Variants in INIP observed in about 807,000 individuals in gnomAD.
The protein encoded by INIP is INTS3 and NABP interacting protein.
Under a neutral mutation model 14.0 loss-of-function variants are expected in INIP, and 9 were observed. The ratio of observed to expected loss-of-function variants is 0.64; its 90% CI spans 0.39 to 1.12. INIP has a LOEUF of 1.12. Ranked by LOEUF, INIP falls within the 50% of genes most tolerant of loss-of-function variation. The probability of loss-of-function intolerance (pLI) is 0.01; values close to 1 mark genes in which losing one functional copy is unlikely to be tolerated. For synonymous variants in INIP, 37 were observed against 41.5 expected (o/e 0.89, Z 0.41); for missense variants, 78 against 122.7 (o/e 0.64, Z 1.72).
intron 2 of INIP, among the ~76,000 whole-genome samples, chr9:112,697,959 G>A (rs786978): frequency 0.16 from 24,852 of 152,088 alleles, 2,786 homozygotes; most frequent in African/African-American, 0.32. Context: ...TTTGCTTAGG[G>A]CAGTTTGCTT....
At chr9:112,690,411 TG>T (rs138137724) in intron 3 of INIP, among the ~76,000 whole-genome samples, 2,722 of 152,186 alleles carry the variant, frequency 0.018, 92 homozygotes, top group African/African-American at 0.06. Context: ...CGCTTAAGCT[TG>T]GGAGGTCTGG....
intron 4 of INIP, among the ~76,000 whole-genome samples, chr9:112,689,111 G>A (rs1170565682): frequency 2.0e-5 from 3 of 151,508 alleles, no homozygotes; most frequent in Non-Finnish European, 4.4e-5. Flanking sequence ...CTGCACAACA[G>A]TTGTGCTGAG....
chr9:112,684,453 T>A lies in INIP; in HGVS notation c.*3085A>T, dbSNP rs1837586497. The A allele has an allele frequency of 6.6e-6, 1 of 151,920 alleles. No homozygotes were observed. The highest frequency in any genetic ancestry group is 1.5e-5 in the Non-Finnish European group (1 of 68,028). The allele number at this position is 151,920 out of a possible 1,614,324, so 9.4% of individuals were successfully genotyped here. ...CTGTAGTCTCAGCTACTTGGGAGGC[T>A]AAGGGTTGAGGATTGCTTGAGCCCA... On this transcript the variant is annotated 3_prime_UTR_variant, in exon 5 of 5. Coordinates refer to ENST00000374242, the MANE Select transcript of INIP (RefSeq NM_021218.3).
intron 2 of INIP, among the ~76,000 whole-genome samples, chr9:112,694,837 C>G (rs115668519): frequency 0.015 from 2,245 of 152,292 alleles, 52 homozygotes; most frequent in African/African-American, 0.051. Context: ...GCGTAACTGA[C>G]AGGATACAAA....
chr9:112,689,605 C>G lies in INIP; in HGVS notation c.141G>C (p.Ser47=). Residue 47 remains serine, a synonymous_variant, in exon 4 of 5, where the codon TCG becomes TCC. Transcript: ENST00000374242. The part of the protein sequence containing the change: ...TNHPGASIAL[S]RPSLNKDFRD... ...GGAAGTCCTTATTAAGAGAGGGTCT[C>G]GAGAGTGCAATGCTAAAATGGGAAT... 6.2e-7 allele frequency: 1 copy of G among 1,613,924 alleles called. No homozygotes were observed. Among genetic ancestry groups the G allele is most frequent in the Non-Finnish European group, 8.5e-7 (1 of 1,179,848 alleles).
chr9:112,709,010 C>G (rs1010388724), intron 2 of INIP, among the ~76,000 whole-genome samples: 1 of 151,966 alleles, frequency 6.6e-6, no homozygotes, highest in Non-Finnish European at 1.5e-5. Flanking sequence ...AAATACGTAA[C>G]AAAGAAAAGG....
At chr9:112,714,082 A>G (rs1838731954) in intron 2 of INIP, among the ~76,000 whole-genome samples, 1 of 152,236 alleles carries the variant, frequency 6.6e-6, no homozygotes, top group African/African-American at 2.4e-5. Flanking sequence ...AAGTTTACAA[A>G]CAGAAGAATG....
chr9:112,684,515 C>G lies in INIP; in HGVS notation c.*3023G>C, dbSNP rs1015079579. On this transcript the variant is annotated 3_prime_UTR_variant, in exon 5 of 5. Coordinates refer to ENST00000374242, the MANE Select transcript of INIP (RefSeq NM_021218.3). Reference sequence around the variant, plus strand: ...AGTCTTGCAGTGAGCTATGATTATACCACTGCACTCCAGCCTGGATGACAG... The same window carrying G: ...AGTCTTGCAGTGAGCTATGATTATAGCACTGCACTCCAGCCTGGATGACAG... 6.6e-6 allele frequency: 1 copy of G among 152,154 alleles called. No individual in the cohort carries two copies. Among genetic ancestry groups the G allele is most frequent in the Non-Finnish European group, 1.5e-5 (1 of 68,054 alleles). 9.4% of individuals were successfully genotyped at this position (152,154 alleles called of 1,614,324 possible).
chr9:112,686,661 T>G lies in INIP; in HGVS notation c.*877A>C, dbSNP rs1243300710. 6.6e-6 allele frequency: 1 copy of G among 152,276 alleles called. No individual in the cohort carries two copies. The highest frequency in any genetic ancestry group is 1.5e-5 in the Non-Finnish European group (1 of 68,084). The allele number at this position is 152,276 out of a possible 1,614,324, so 9.4% of individuals were successfully genotyped here. ...ACAGGCGTGTGCCACCACACATGGC[T>G]AATTTTTTATACTTTTAGTAGAGAC... On this transcript the variant is annotated 3_prime_UTR_variant, in exon 5 of 5. Transcript: ENST00000374242.
In INIP at chr9:112,713,765, CG is replaced by C. The variant is rs529134650; in HGVS notation, c.25+2695del. Among the ~76,000 whole-genome samples the C allele has an allele frequency of 2.0e-5, 3 of 152,064 alleles. No individual in the cohort carries two copies. The East Asian group carries it at 5.8e-4, about 29-fold the overall frequency. Reference sequence around the variant, plus strand: ...CAGCACTTTGGGAGGCCGAGGCAGGCGGATCACCTGAGGTCAGGAGTTCGAG... The same window carrying C: ...CAGCACTTTGGGAGGCCGAGGCAGGCGATCACCTGAGGTCAGGAGTTCGAG... On this transcript the variant is annotated intron_variant, in intron 2 of 4. Transcript: ENST00000374242.
intron 2 of INIP, among the ~76,000 whole-genome samples, chr9:112,703,486 A>T (rs1452065704): frequency 6.6e-6 from 1 of 152,208 alleles, no homozygotes; most frequent in African/African-American, 2.4e-5. Context: ...TCGGAGGCTG[A>T]AGTGGGAGGA....
intron 2 of INIP, among the ~76,000 whole-genome samples, chr9:112,705,110 CAAAAAAA>C (rs1194911436): frequency 1.1e-4 from 5 of 46,020 alleles, no homozygotes; most frequent in South Asian, 8.4e-4. Flanking sequence ...GACCCTGTCT[CAAAAAAA>C]AAAAAAAAAA....
intron 2 of INIP, among the ~76,000 whole-genome samples, chr9:112,706,313 A>C (rs1231453732): frequency 1.3e-5 from 2 of 152,164 alleles, no homozygotes; most frequent in Non-Finnish European, 2.9e-5. Flanking sequence ...AAAAACTAAA[A>C]ATAGAGCTCA....
At position 112,686,312 on chromosome 9, in the gene INIP, C is replaced by T. The variant is rs1396030785; in HGVS notation, c.*1226G>A. The T allele has an allele frequency of 1.3e-5, 2 of 151,930 alleles. No homozygotes were observed. The highest frequency in any genetic ancestry group is 1.3e-4 in the Admixed American group (2 of 15,252). The allele number at this position is 151,930 out of a possible 1,614,324, so 9.4% of individuals were successfully genotyped here. ...TCTGTACAAGATATTTCATAGAATTCTCTATCTCATGGTTTTCAGACTTTA... is the reference window on the plus strand; with the variant it reads ...TCTGTACAAGATATTTCATAGAATTTTCTATCTCATGGTTTTCAGACTTTA... On this transcript the variant is annotated 3_prime_UTR_variant, in exon 5 of 5. Transcript: ENST00000374242.
In INIP at chr9:112,712,801, G is replaced by C. The variant is rs113747661; in HGVS notation, c.25+3660C>G. Among the ~76,000 whole-genome samples the C allele has an allele frequency of 5.6e-3, 852 of 152,270 alleles. 8 individuals carry two copies. The highest frequency in any genetic ancestry group is 0.019 in the African/African-American group (804 of 41,560). ...AAAAAATATTGAGGAAAAATAAGCA[G>C]AGCCTTGGAGTATTTGAATAATGGA... On this transcript the variant is annotated intron_variant, in intron 2 of 4. Transcript: ENST00000374242.
At position 112,685,950 on chromosome 9, in the gene INIP, C is replaced by A. The variant is rs1837650348; in HGVS notation, c.*1588G>T. 6.6e-6 allele frequency: 1 copy of A among 152,138 alleles called. No individual in the cohort carries two copies. The highest frequency in any genetic ancestry group is 6.6e-5 in the Admixed American group (1 of 15,266). The allele number at this position is 152,138 out of a possible 1,614,324, so 9.4% of individuals were successfully genotyped here. On this transcript the variant is annotated 3_prime_UTR_variant, in exon 5 of 5. Coordinates refer to ENST00000374242, the MANE Select transcript of INIP (RefSeq NM_021218.3). The stretch of plus-strand genomic sequence containing the variant: ...ATGGCACAGCCAATTCTAGAATTGT[C>A]CACTCTTGCTTCACTTGGTTTGAGT...
intron 2 of INIP, among the ~76,000 whole-genome samples, chr9:112,705,032 A>T (rs572831730): frequency 6.7e-5 from 10 of 148,202 alleles, no homozygotes; most frequent in African/African-American, 2.5e-4. Context: ...GATGGCTTGA[A>T]CCTGGGAGGT....
chr9:112,699,449 G>A (rs572430087), intron 2 of INIP, among the ~76,000 whole-genome samples: 6 of 152,134 alleles, frequency 3.9e-5, no homozygotes, highest in Admixed American at 6.5e-5. Context: ...GGCCAAGGTA[G>A]TACAATAAGA....
At chr9:112,701,633 G>A (rs947494547) in intron 2 of INIP, among the ~76,000 whole-genome samples, 1 of 152,112 alleles carries the variant, frequency 6.6e-6, no homozygotes, top group African/African-American at 2.4e-5. Context: ...TCTCCCATTT[G>A]TATATATACA....
Sources: allele counts gnomAD v4.1 joint callset (sites outside exome capture counted in the v4.1 genomes callset), GRCh38; gene constraint gnomAD v4.1.1; transcripts MANE v1.5; gene names NCBI Gene and HGNC (gene_info 2026-07-23, HGNC 2026-07-21).